TMEM80: variants seen among roughly 807,000 people sequenced by gnomAD.
TMEM80 encodes the protein transmembrane protein 80.
In TMEM80, 16 loss-of-function variants were observed where a neutral mutation model predicts 13.6. That is an observed-to-expected ratio of 1.17 (90% CI 0.79 to 1.78). The LOEUF (loss-of-function observed/expected upper bound fraction) is 1.78. TMEM80 is among the 40% of genes most tolerant of loss of function. TMEM80 has a pLI of 0.00. For synonymous variants in TMEM80, 92 were observed against 89.5 expected, an observed-to-expected ratio of 1.03 and a Z score of -0.16; for missense variants, 167 against 184.6, an observed-to-expected ratio of 0.90 and a Z score of 0.55.
chr11:703,918 C>G lies in TMEM80; in HGVS notation c.*768C>G, dbSNP rs747150874. On this transcript the variant is annotated 3_prime_UTR_variant, in exon 5 of 5. Coordinates refer to ENST00000397510, the MANE Select transcript of TMEM80 (RefSeq NM_001042463.3). The stretch of plus-strand genomic sequence containing the variant: ...GTTTTATCAGCTTTTGCCTTTTGCA[C>G]GGAGTGCTAAACAAATTCTAGCTCT... 1.5e-5 allele frequency: 19 copies of G among 1,241,662 alleles called. No individual in the cohort carries two copies. Among genetic ancestry groups the G allele is most frequent in the Non-Finnish European group, 1.9e-5 (19 of 994,536 alleles). The allele number at this position is 1,241,662 out of a possible 1,614,324, so 76.9% of individuals were successfully genotyped here. A position where few individuals can be genotyped will look rare whatever the true frequency, so the allele number is the denominator to read the frequency against.
intron 2 of TMEM80, chr11:699,095 G>A: frequency 1.7e-6 from 1 of 600,068 alleles, no homozygotes. Context: ...GCTCAGCCCT[G>A]CACAAAGTGG....
rs778335310 is a variant in TMEM80, at chr11:703,112, G to A, written c.394G>A (p.Val132Ile). ...CCTGGCCCTTCACGGCCTGGAGGCC[G>A]TCCTGCAGGTGGTTGCCATCGCGGC... Reference protein sequence around the residue: ...TLLALHGLEAVLQVVAIAAFT... With the variant: ...TLLALHGLEAILQVVAIAAFT... Residue 132 changes from valine to isoleucine, a missense_variant, in exon 5 of 5, where the codon GTC (valine) becomes ATC (isoleucine). Coordinates refer to ENST00000397510, the MANE Select transcript of TMEM80 (RefSeq NM_001042463.3). 1.6e-5 allele frequency: 25 copies of A among 1,609,888 alleles called. No homozygotes were observed. The highest frequency in any genetic ancestry group is 4.0e-5 in the African/African-American group (3 of 74,914).
At position 695,869 on chromosome 11, in the gene TMEM80, C is replaced by A. The variant is rs541024104; in HGVS notation, c.19+23C>A. ...GAGGTGAGCTCGGGCGGGGTGGGGG[C>A]TTCCGGGCTTGCAGCGGCGGGCGCG... On this transcript the variant is annotated intron_variant, in intron 1 of 4. Coordinates refer to ENST00000397510, the MANE Select transcript of TMEM80 (RefSeq NM_001042463.3). 235 of 1,225,726 alleles carry A rather than the reference C, an allele frequency of 1.9e-4. 6 individuals carry two copies. In the South Asian group the frequency reaches 8.4e-3, roughly 44 times the overall value. The allele number at this position is 1,225,726 out of a possible 1,614,324, so 75.9% of individuals were successfully genotyped here. A position where few individuals can be genotyped will look rare whatever the true frequency, so the allele number is the denominator to read the frequency against.
chr11:696,965 G>A (rs1419463564), intron 1 of TMEM80, among the ~76,000 whole-genome samples: 1 of 146,734 alleles, frequency 6.8e-6, no homozygotes, highest in African/African-American at 2.5e-5. Context: ...TGTAATCCCA[G>A]CTACTTGAGA....
At chr11:701,698 C>A (rs537107196) in intron 4 of TMEM80, among the ~76,000 whole-genome samples, 3 of 152,162 alleles carry the variant, frequency 2.0e-5, no homozygotes, top group Admixed American at 6.5e-5. Context: ...CGTGAGCCAC[C>A]GCGCCCGGCC....
Position 703,406 on chromosome 11 carries a change from A to G in TMEM80, c.*256A>G. 1 of 1,344,000 alleles carries G rather than the reference A, an allele frequency of 7.4e-7. No homozygotes were observed. Among genetic ancestry groups the G allele is most frequent in the East Asian group, 2.9e-5 (1 of 34,928 alleles). 83.3% of individuals were successfully genotyped at this position (1,344,000 alleles called of 1,614,324 possible). On this transcript the variant is annotated 3_prime_UTR_variant, in exon 5 of 5. Transcript: ENST00000397510. ...CAGAACTGCCTTCAAGATGAGTCCC[A>G]GGAGCGCACACTCAGCCCTGTCAGT...
At chr11:696,172 G>A (rs976252930) in intron 1 of TMEM80, among the ~76,000 whole-genome samples, 1 of 152,224 alleles carries the variant, frequency 6.6e-6, no homozygotes, top group African/African-American at 2.4e-5. Context: ...TGGGCGCAGG[G>A]TTTCGGTAGC....
chr11:698,735 A>T, intron 1 of TMEM80, 134 bp from the exon 2 acceptor site: 1 of 1,028,514 alleles, frequency 9.7e-7, no homozygotes, highest in Non-Finnish European at 1.5e-6. Context: ...GGCCCACGGT[A>T]TATGTTTGCT....
At chr11:704,557 C>A (rs1342402264), downstream of TMEM80, 7 of 1,289,358 alleles carry the variant, frequency 5.4e-6, no homozygotes, top group Non-Finnish European at 7.1e-6. Flanking sequence ...GCTGGGCACA[C>A]CTGCCATCTG....
chr11:703,636 C>G lies in TMEM80; in HGVS notation c.*486C>G. 1 of 1,232,776 alleles carries G rather than the reference C, an allele frequency of 8.1e-7. No homozygotes were observed. Among genetic ancestry groups the G allele is most frequent in the Non-Finnish European group, 1.0e-6 (1 of 988,616 alleles). The allele number at this position is 1,232,776 out of a possible 1,614,324, so 76.4% of individuals were successfully genotyped here. A position where few individuals can be genotyped will look rare whatever the true frequency, so the allele number is the denominator to read the frequency against. ...CTGTGTTTCCAAGTCGGGCTGGAGACGCAGGATGGGGTAGGCCTTGTGCTC... is the reference window on the plus strand; with the variant it reads ...CTGTGTTTCCAAGTCGGGCTGGAGAGGCAGGATGGGGTAGGCCTTGTGCTC... On this transcript the variant is annotated 3_prime_UTR_variant, in exon 5 of 5. Transcript: ENST00000397510.
At position 700,276 on chromosome 11, in the gene TMEM80, C is replaced by T. The variant is rs373294269; in HGVS notation, c.133+41C>T. ...GCACAGTGGCTCACGCCTGTAATCC[C>T]AACATTTTGGGAGGCTGAGGTGGGC... On this transcript the variant is annotated intron_variant, in intron 3 of 4. Coordinates refer to ENST00000397510, the MANE Select transcript of TMEM80 (RefSeq NM_001042463.3). 16 of 1,571,600 alleles carry T rather than the reference C, an allele frequency of 1.0e-5. No homozygotes were observed. The African/African-American group carries it at 1.9e-4, about 19-fold the overall frequency.
intron 2 of TMEM80, 184 bp downstream of exon 2, chr11:699,072 C>G (rs1861328836): frequency 1.4e-6 from 1 of 698,664 alleles, no homozygotes; most frequent in African/African-American, 1.8e-5. Context: ...TCTGCTGGCT[C>G]CATCCCCTAC....
At chr11:696,514 C>T (rs1337633417) in intron 1 of TMEM80, among the ~76,000 whole-genome samples, 6 of 152,340 alleles carry the variant, frequency 3.9e-5, no homozygotes, top group Admixed American at 6.5e-5. Flanking sequence ...CGCAGTGGCT[C>T]AGGCCTGTAA....
chr11:700,256 G>A (rs765532628), intron 3 of TMEM80, 21 bp downstream of exon 3: 1 of 1,602,052 alleles, frequency 6.2e-7, no homozygotes, highest in Admixed American at 1.7e-5. Context: ...GACGGGCACA[G>A]TGGCTCACGC....
chr11:704,475 C>G, downstream of TMEM80: 1 of 1,289,384 alleles, frequency 7.8e-7, no homozygotes, highest in Non-Finnish European at 1.0e-6. Flanking sequence ...GCCCTGAGGA[C>G]CCACTTCACA....
chr11:702,947 A>T lies in TMEM80; in HGVS notation c.229A>T (p.Thr77Ser). The stretch of plus-strand genomic sequence containing the variant: ...CTCCCCTTTGCTCTGTTCTCCAGGC[A>T]CCAGGGGCAACCTGACAGAGGCTGA... ...ILEAVRLYLG[T>S]RGNLTEAERP... Residue 77 changes from threonine (T) to serine (S), a missense_variant and splice_region_variant, in exon 5 of 5, where the codon ACC becomes TCC. Coordinates refer to ENST00000397510, the MANE Select transcript of TMEM80 (RefSeq NM_001042463.3). 6.2e-7 allele frequency: 1 copy of T among 1,605,844 alleles called. No homozygotes were observed. The highest frequency in any genetic ancestry group is 1.3e-5 in the African/African-American group (1 of 74,936).
At chr11:695,988 C>T (rs893386480) in intron 1 of TMEM80, 142 bp downstream of exon 1, 1 of 698,466 alleles carries the variant, frequency 1.4e-6, no homozygotes, top group Non-Finnish European at 2.0e-6. Context: ...TCCGTCACCC[C>T]ATCGAGAAGC....
In TMEM80 at chr11:695,832, C is replaced by T. The variant is rs1033225975; in HGVS notation, c.5C>T (p.Ala2Val). 156 of 1,230,160 alleles carry T rather than the reference C, an allele frequency of 1.3e-4. No homozygotes were observed. The highest frequency in any genetic ancestry group is 5.1e-4 in the Admixed American group (12 of 23,638). 76.2% of individuals were successfully genotyped at this position (1,230,160 alleles called of 1,614,324 possible). A position where few individuals can be genotyped will look rare whatever the true frequency, so the allele number is the denominator to read the frequency against. The part of the protein sequence containing the change: M[A>V]APRRGRGSST... Reference sequence around the variant, plus strand: ...CCGGCGGGCGGGGCGGGTAAGATGGCGGCCCCGCGGCGAGGTGAGCTCGGG... The same window carrying T: ...CCGGCGGGCGGGGCGGGTAAGATGGTGGCCCCGCGGCGAGGTGAGCTCGGG... The change falls in exon 1 of 5, where the codon GCG becomes GTG. Residue 2 changes from alanine (A) to valine (V), a missense_variant. Coordinates refer to ENST00000397510, the MANE Select transcript of TMEM80 (RefSeq NM_001042463.3).
chr11:700,798 T>C, intron 4 of TMEM80, 91 bp downstream of exon 4: 1 of 1,230,426 alleles, frequency 8.1e-7, no homozygotes, highest in Non-Finnish European at 1.2e-6. Context: ...TATAGTGTGG[T>C]TCTCAGAGAC....
Sources: allele counts gnomAD v4.1 joint callset (sites outside exome capture counted in the v4.1 genomes callset), GRCh38; gene constraint gnomAD v4.1.1; transcripts MANE v1.5; gene names NCBI Gene and HGNC (gene_info 2026-07-23, HGNC 2026-07-21).